The following UST variants were observed in gnomAD, a reference collection of about 807,000 sequenced individuals.
The protein encoded by UST is uronyl 2-sulfotransferase, also known as chondroitin sulfate 2-O-sulfotransferase.
Under a neutral mutation model 45.6 loss-of-function variants are expected in UST, and 21 were observed. The observed-to-expected ratio is 0.46, with a 90% confidence interval of 0.33 to 0.66. The LOEUF (loss-of-function observed/expected upper bound fraction) is 0.66. Ranked by LOEUF, UST falls within the 30% of genes least tolerant of loss-of-function variation. UST has a pLI of 0.02. For missense variants in UST, 463 were observed against 512.4 expected (o/e 0.90, Z 0.93); for synonymous variants, 215 against 200.6 (o/e 1.07, Z -0.61).
intron 5 of UST, among the ~76,000 whole-genome samples, chr6:149,017,350 C>T (rs1438050933): frequency 1.3e-5 from 2 of 150,482 alleles, no homozygotes; most frequent in Admixed American, 1.3e-4. Context: ...GCAGTCCAGC[C>T]TGGGGGACAG....
intron 5 of UST, among the ~76,000 whole-genome samples, chr6:148,978,664 G>T (rs1441435232): frequency 6.6e-6 from 1 of 151,980 alleles, no homozygotes; most frequent in Non-Finnish European, 1.5e-5. Context: ...ACACACCGGG[G>T]CCTGTCAGGG....
chr6:148,879,195 G>A (rs1778779304), intron 1 of UST, among the ~76,000 whole-genome samples: 1 of 152,114 alleles, frequency 6.6e-6, no homozygotes, highest in Non-Finnish European at 1.5e-5. Context: ...CAATTTCCTT[G>A]CACCCCCTTG....
chr6:148,987,193 G>A (rs187038359), intron 5 of UST, among the ~76,000 whole-genome samples: 174 of 152,256 alleles, frequency 1.1e-3, no homozygotes, highest in Admixed American at 2.6e-3. Flanking sequence ...TTAATTACTT[G>A]CCTCCCTGGC....
At chr6:148,824,319 A>G (rs1338196290) in intron 1 of UST, among the ~76,000 whole-genome samples, 2 of 152,336 alleles carry the variant, frequency 1.3e-5, no homozygotes, top group Non-Finnish European at 2.9e-5. Flanking sequence ...GCCAAGATCT[A>G]TGTCCCAGTC....
At chr6:148,794,708 G>C (rs1276061031) in intron 1 of UST, among the ~76,000 whole-genome samples, 1 of 152,188 alleles carries the variant, frequency 6.6e-6, no homozygotes, top group African/African-American at 2.4e-5. Flanking sequence ...TGTACAGAAA[G>C]AACATCGGGT....
chr6:148,877,373 G>C (rs1331681065), intron 1 of UST, among the ~76,000 whole-genome samples: 1 of 80,082 alleles, frequency 1.2e-5, no homozygotes, highest in Non-Finnish European at 2.5e-5. Flanking sequence ...GTGTATGAGT[G>C]GGGGGGTCGT....
intron 5 of UST, among the ~76,000 whole-genome samples, chr6:148,970,118 C>T (rs1459501465): frequency 3.3e-5 from 5 of 152,144 alleles, no homozygotes; most frequent in Non-Finnish European, 5.9e-5. Flanking sequence ...AAGCAGGAGT[C>T]ACAGGTGATT....
At chr6:148,998,685 C>T (rs1193145946) in intron 5 of UST, among the ~76,000 whole-genome samples, 1 of 152,132 alleles carries the variant, frequency 6.6e-6, no homozygotes, top group Non-Finnish European at 1.5e-5. Flanking sequence ...TCCATAAACC[C>T]GACCTCCTGC....
chr6:148,875,456 C>T (rs1001590395), intron 1 of UST, among the ~76,000 whole-genome samples: 9 of 152,090 alleles, frequency 5.9e-5, no homozygotes, highest in African/African-American at 2.2e-4. Flanking sequence ...ATAAACTATT[C>T]CCTGACCTCA....
chr6:148,879,592 G>A (rs1035003276), intron 1 of UST, among the ~76,000 whole-genome samples: 1 of 152,226 alleles, frequency 6.6e-6, no homozygotes, highest in African/African-American at 2.4e-5. Context: ...CGAGTAGAAT[G>A]TGCAGAGAGG....
chr6:149,014,770 T>C (rs1286483160), intron 5 of UST, among the ~76,000 whole-genome samples: 1 of 152,122 alleles, frequency 6.6e-6, no homozygotes, highest in Non-Finnish European at 1.5e-5. Context: ...AGAGTGACCA[T>C]CCTCTCAGAG....
chr6:148,960,978 T>C (rs185577975), intron 4 of UST, among the ~76,000 whole-genome samples: 62 of 152,332 alleles, frequency 4.1e-4, no homozygotes, highest in Non-Finnish European at 8.2e-4. Context: ...GGTTGATTAA[T>C]TGATTGAGGT....
intron 1 of UST, among the ~76,000 whole-genome samples, chr6:148,766,304 T>C (rs1776323556): frequency 6.6e-6 from 1 of 151,580 alleles, no homozygotes; most frequent in African/African-American, 2.4e-5. Context: ...CAATGAGCCT[T>C]AAAGGATCAG....
rs1028024732 is a variant in UST at position 149,021,229 on chromosome 6, A to G, written c.780-95A>G. On this transcript the variant is annotated intron_variant, in intron 6 of 7. Coordinates refer to ENST00000367463, the MANE Select transcript of UST (RefSeq NM_005715.3). Reference sequence around the variant, plus strand: ...GGGAAACAGGATTTGGACTTATGCAAGTGAAGGTGGGAGGTAGAGGGGGTA... The same window carrying G: ...GGGAAACAGGATTTGGACTTATGCAGGTGAAGGTGGGAGGTAGAGGGGGTA... The G allele has an allele frequency of 3.0e-6, 4 of 1,348,934 alleles. No individual in the cohort carries two copies. The Admixed American group carries it at 8.9e-5, about 30-fold the overall frequency. The allele number at this position is 1,348,934 out of a possible 1,614,324, so 83.6% of individuals were successfully genotyped here.
intron 2 of UST, among the ~76,000 whole-genome samples, chr6:148,890,070 A>G (rs1164626906): frequency 6.6e-6 from 1 of 152,236 alleles, no homozygotes; most frequent in Admixed American, 6.5e-5. Context: ...AAGTTTACCT[A>G]ATACAGAAGC....
At chr6:148,840,105 A>G (rs1430086648) in intron 1 of UST, among the ~76,000 whole-genome samples, 2 of 152,216 alleles carry the variant, frequency 1.3e-5, no homozygotes, top group African/African-American at 4.8e-5. Flanking sequence ...GGTTTGGTAC[A>G]ATGATATTGA....
In UST at chr6:148,867,975, A is replaced by G. The variant is rs148519148; in HGVS notation, c.248-19011A>G. Among the ~76,000 whole-genome samples, 314 of 152,264 alleles carry G rather than the reference A, an allele frequency of 2.1e-3. 2 individuals are homozygous for G. The highest frequency in any genetic ancestry group is 6.9e-3 in the African/African-American group (286 of 41,550). The stretch of plus-strand genomic sequence containing the variant: ...GATCATCCTGTGCCTCCCTCCATCC[A>G]ACACAGTAATCTTCTTAATGTCTCA... On this transcript the variant is annotated intron_variant, in intron 1 of 7. Transcript: ENST00000367463.
At chr6:148,872,667 A>G (rs1452335981) in intron 1 of UST, among the ~76,000 whole-genome samples, 2 of 152,220 alleles carry the variant, frequency 1.3e-5, no homozygotes, top group East Asian at 1.9e-4. Context: ...ACTGGGTTTT[A>G]ATGGGCTCAA....
chr6:148,925,853 T>A (rs1180437399), intron 2 of UST, among the ~76,000 whole-genome samples: 1 of 152,234 alleles, frequency 6.6e-6, no homozygotes, highest in Non-Finnish European at 1.5e-5. Flanking sequence ...TGAAAGATTG[T>A]TTAGCTGGAC....
Sources: gnomAD v4.1 joint callset for allele counts (sites outside exome capture counted in the v4.1 genomes callset) on GRCh38, gnomAD v4.1.1 for gene constraint, MANE v1.5 for transcripts, NCBI Gene and HGNC (gene_info 2026-07-23, HGNC 2026-07-21) for gene names.